Variants in CCDC88A observed in about 807,000 individuals in gnomAD.
CCDC88A encodes girdin.
In CCDC88A, 54 loss-of-function variants were observed where a neutral mutation model predicts 234.3. That is an observed-to-expected ratio of 0.23 (90% CI 0.19 to 0.29). The LOEUF is 0.29. Among genes scored for constraint, CCDC88A ranks in the 10% least tolerant of loss-of-function variants. The probability of loss-of-function intolerance (pLI) is 1.00; values close to 1 mark genes in which losing one functional copy is unlikely to be tolerated. For missense variants in CCDC88A, 1,832 were observed against 2,123.4 expected, an observed-to-expected ratio of 0.86 and a Z score of 2.70; for synonymous variants, 753 against 737.8, an observed-to-expected ratio of 1.02 and a Z score of -0.33.
Position 55,328,551 on chromosome 2 carries a change from T to A in CCDC88A, c.2856-116A>T. ...ATGGGTCTTATAAAAGCATTTTTGT[T>A]AAAGAGGCAAATGAAATTATCCTCT... On this transcript the variant is annotated intron_variant, in intron 16 of 32. Coordinates refer to ENST00000436346, the MANE Select transcript of CCDC88A (RefSeq NM_001365480.1). This position sits in a 1 kb window ranked among gnomAD's most constrained non-coding sequence, Gnocchi z 4.3. 1.6e-6 allele frequency: 1 copy of A among 643,948 alleles called. No homozygotes were observed. The highest frequency in any genetic ancestry group is 2.4e-6 in the Non-Finnish European group (1 of 409,866). 39.9% of individuals were successfully genotyped at this position (643,948 alleles called of 1,614,324 possible). A position where few individuals can be genotyped will look rare whatever the true frequency, so the allele number is the denominator to read the frequency against.
At position 55,419,845 on chromosome 2, in the gene CCDC88A, A is replaced by C. The variant is rs1328199879; in HGVS notation, c.-766T>G. ...CAGCCTTCTCCGCCCTCTATGGAGA[A>C]GCCGGAGTAACGGCCTCAGAACCGC... On this transcript the variant is annotated 5_prime_UTR_variant, in exon 1 of 33. Coordinates refer to ENST00000436346, the MANE Select transcript of CCDC88A (RefSeq NM_001365480.1). 1 of 152,132 alleles carries C rather than the reference A, an allele frequency of 6.6e-6. No homozygotes were observed. The highest frequency in any genetic ancestry group is 1.5e-5 in the Non-Finnish European group (1 of 68,110). The allele number at this position is 152,132 out of a possible 1,614,324, so 9.4% of individuals were successfully genotyped here. A position where few individuals can be genotyped will look rare whatever the true frequency, so the allele number is the denominator to read the frequency against.
intron 25 of CCDC88A, among the ~76,000 whole-genome samples, chr2:55,303,744 A>G (rs1056780673): frequency 1.3e-5 from 2 of 152,156 alleles, no homozygotes; most frequent in African/African-American, 4.8e-5. Flanking sequence ...AACTGATTAG[A>G]ATTATTTATG....
rs184364511 is a variant in CCDC88A, at chr2:55,334,478, T to C, written c.2343A>G (p.Gln781=). Residue 781 remains glutamine (Q), a synonymous_variant, in exon 15 of 33, where the codon CAA becomes CAG. Coordinates refer to ENST00000436346, the MANE Select transcript of CCDC88A (RefSeq NM_001365480.1). The surrounding 1 kb of genome is among the most constrained non-coding windows in gnomAD (Gnocchi z 6.1). ...CTAAGTCTTGTAGTTCACTCTCTAATTGCTGGATTTTTTTATTGCTGTTCT... is the reference window on the plus strand; with the variant it reads ...CTAAGTCTTGTAGTTCACTCTCTAACTGCTGGATTTTTTTATTGCTGTTCT... ...TLENSNKKIQ[Q]LESELQDLEM... 3.2e-5 allele frequency: 52 copies of C among 1,605,440 alleles called. No individual in the cohort carries two copies. In the Admixed American group the frequency reaches 5.1e-4, roughly 16 times the overall value.
intron 12 of CCDC88A, among the ~76,000 whole-genome samples, chr2:55,341,293 C>T (rs376534481): frequency 4.6e-5 from 7 of 151,342 alleles, no homozygotes; most frequent in Middle Eastern, 3.4e-3. Flanking sequence ...TACAGGCGCG[C>T]GCCACCACGC....
intron 17 of CCDC88A, among the ~76,000 whole-genome samples, chr2:55,325,450 G>GTAAA (rs1210671543): frequency 1.3e-5 from 2 of 152,108 alleles, no homozygotes; most frequent in Non-Finnish European, 2.9e-5. Context: ...AGGGTTTTCT[G>GTAAA]TAAATATAGT....
At chr2:55,320,579 A>AT (rs1338471300) in intron 18 of CCDC88A, among the ~76,000 whole-genome samples, 10 of 152,216 alleles carry the variant, frequency 6.6e-5, no homozygotes, top group African/African-American at 2.2e-4. Flanking sequence ...ATGCCAGCTC[A>AT]ATTTTCTAAA....
intron 3 of CCDC88A, among the ~76,000 whole-genome samples, chr2:55,385,128 CACT>C (rs1403807001): frequency 5.9e-5 from 9 of 152,024 alleles, no homozygotes; most frequent in Non-Finnish European, 1.2e-4. Flanking sequence ...CCACCACTGC[CACT>C]ACTACTATCA....
intron 7 of CCDC88A, among the ~76,000 whole-genome samples, chr2:55,358,726 T>C (rs142979808): frequency 6.6e-6 from 1 of 152,222 alleles, no homozygotes; most frequent in East Asian, 1.9e-4. Flanking sequence ...TTTCTTCTTA[T>C]TGGCTTTTTT....
chr2:55,394,230 C>T (rs1677146048), intron 2 of CCDC88A: 1 of 152,198 alleles, frequency 6.6e-6, no homozygotes, highest in African/African-American at 2.4e-5. Context: ...TTTCCAACTT[C>T]ATCCATGTCC....
rs539164290 is a variant in CCDC88A at position 55,307,066 on chromosome 2, G to C, written c.4387+1743C>G. Among the ~76,000 whole-genome samples, 1,075 of 152,296 alleles carry C rather than the reference G, an allele frequency of 7.1e-3. 12 individuals carry two copies. The highest frequency in any genetic ancestry group is 0.024 in the African/African-American group (1,004 of 41,546). ...TCAAAAGAATAGAATGTGTCTGTGTGTGTGTGTGTTCAATTAGTGACATTA... is the reference window on the plus strand; with the variant it reads ...TCAAAAGAATAGAATGTGTCTGTGTCTGTGTGTGTTCAATTAGTGACATTA... On this transcript the variant is annotated intron_variant, in intron 25 of 32. Coordinates refer to ENST00000436346, the MANE Select transcript of CCDC88A (RefSeq NM_001365480.1).
At chr2:55,410,051 C>T (rs540939438) in intron 2 of CCDC88A, among the ~76,000 whole-genome samples, 1 of 152,044 alleles carries the variant, frequency 6.6e-6, no homozygotes, top group Non-Finnish European at 1.5e-5. Flanking sequence ...TACCTCCCCA[C>T]TTTTAAATGA....
chr2:55,409,134 A>G (rs181871686), intron 2 of CCDC88A, among the ~76,000 whole-genome samples: 18 of 152,290 alleles, frequency 1.2e-4, no homozygotes, highest in Admixed American at 5.9e-4. Context: ...CCTGCATGAC[A>G]ATACTTGTAT....
At chr2:55,301,686 AT>A in intron 27 of CCDC88A, 185 bp downstream of exon 27, 1 of 600,646 alleles carries the variant, frequency 1.7e-6, no homozygotes, top group South Asian at 2.2e-5. Flanking sequence ...CCTGGAAAAG[AT>A]TTTAGTTATT....
In CCDC88A at chr2:55,303,164, G is replaced by A. The variant is rs1240347096; in HGVS notation, c.4388-12C>T. On this transcript the variant is annotated splice_polypyrimidine_tract_variant and intron_variant, in intron 25 of 32. Transcript: ENST00000436346. ...TTTCAGTGCAACCACTTTAATGTCA[G>A]AGCATGAGGAAAAACAGAAACAGGG... The A allele has an allele frequency of 1.8e-5, 28 of 1,514,072 alleles. No individual in the cohort carries two copies. The highest frequency in any genetic ancestry group is 2.8e-5 in the African/African-American group (2 of 72,274). The allele number at this position is 1,514,072 out of a possible 1,614,324, so 93.8% of individuals were successfully genotyped here. A position where few individuals can be genotyped will look rare whatever the true frequency, so the allele number is the denominator to read the frequency against.
Position 55,317,364 on chromosome 2 carries a change from G to C in CCDC88A, c.3603-15C>G. On this transcript the variant is annotated splice_polypyrimidine_tract_variant and intron_variant, in intron 20 of 32. Coordinates refer to ENST00000436346, the MANE Select transcript of CCDC88A (RefSeq NM_001365480.1). The surrounding 1 kb of genome is among the most constrained non-coding windows in gnomAD (Gnocchi z 4.2). ...ACTGATTGTAACTGGGGGGAAAAAA[G>C]GCATTTGGTTTATAATATTTACAAA... 6.9e-7 allele frequency: 1 copy of C among 1,454,004 alleles called. No homozygotes were observed. 90.1% of individuals were successfully genotyped at this position (1,454,004 alleles called of 1,614,324 possible).
At chr2:55,352,185 C>T (rs1240111027) in intron 8 of CCDC88A, among the ~76,000 whole-genome samples, 4 of 151,980 alleles carry the variant, frequency 2.6e-5, no homozygotes, top group African/African-American at 9.7e-5. Flanking sequence ...GTAATCCCAG[C>T]ACTTTGGGAG....
chr2:55,387,779 C>CAAAA (rs66479611), intron 3 of CCDC88A, among the ~76,000 whole-genome samples: 35 of 64,812 alleles, frequency 5.4e-4, no homozygotes, highest in South Asian at 1.3e-3. Flanking sequence ...GGCTCCATCT[C>CAAAA]AAAAAAAAAA....
Position 55,290,036 on chromosome 2 carries a change from T to G in CCDC88A, c.*1164A>C, listed in dbSNP as rs980728030. 6.6e-6 allele frequency: 1 copy of G among 152,586 alleles called. No homozygotes were observed. The highest frequency in any genetic ancestry group is 2.4e-5 in the African/African-American group (1 of 41,458). 9.5% of individuals were successfully genotyped at this position (152,586 alleles called of 1,614,324 possible). The stretch of plus-strand genomic sequence containing the variant: ...ATGAGTATCAATGCATTTTTTGATT[T>G]CATAAGAAAATAAAACTGTGATATA... On this transcript the variant is annotated 3_prime_UTR_variant, in exon 33 of 33. Coordinates refer to ENST00000436346, the MANE Select transcript of CCDC88A (RefSeq NM_001365480.1).
In CCDC88A at chr2:55,384,662, TATA is replaced by T. The variant is rs1304635345; in HGVS notation, c.273+4113_273+4115del. 8.8e-5 allele frequency among the ~76,000 whole-genome samples: 12 copies of T among 136,440 alleles called. 4 individuals carry two copies. Among genetic ancestry groups the T allele is most frequent in the African/African-American group, 2.5e-4 (8 of 32,338 alleles). The allele number at this position is 136,440 out of a possible 152,430, so 89.5% of individuals were successfully genotyped here. On this transcript the variant is annotated intron_variant, in intron 3 of 32. Coordinates refer to ENST00000436346, the MANE Select transcript of CCDC88A (RefSeq NM_001365480.1). ...ATGTGTATATATACATATATATATATATATATTTTTTAAAGACAGAGTCTCGCT... is the reference window on the plus strand; with the variant it reads ...ATGTGTATATATACATATATATATATTATTTTTTAAAGACAGAGTCTCGCT...
Sources: allele counts gnomAD v4.1 joint callset (sites outside exome capture counted in the v4.1 genomes callset), GRCh38; gene constraint gnomAD v4.1.1; non-coding constraint Gnocchi (gnomAD v3.1); transcripts MANE v1.5; gene names NCBI Gene and HGNC (gene_info 2026-07-23, HGNC 2026-07-21).